The following DCC variants were observed in gnomAD, a reference collection of about 807,000 sequenced individuals.
DCC encodes the protein netrin receptor DCC.
DCC carries 58 observed loss-of-function variants against 172.5 expected under a neutral mutation model. The observed-to-expected ratio is 0.34, with a 90% CI of 0.27 to 0.42. The LOEUF (loss-of-function observed/expected upper bound fraction) is 0.42. Ranked by LOEUF, DCC falls within the 10% of genes least tolerant of loss-of-function variation. The pLI is 1.00. For synonymous variants in DCC, 709 were observed against 644.5 expected (o/e 1.10, Z -1.52); for missense variants, 1,740 against 1,791.0 (o/e 0.97, Z 0.51).
At chr18:53,496,877 T>TG (rs2046030539) in intron 26 of DCC, among the ~76,000 whole-genome samples, 1 of 152,142 alleles carries the variant, frequency 6.6e-6, no homozygotes, top group Non-Finnish European at 1.5e-5. Flanking sequence ...GTTGAAAGTA[T>TG]AATGTAGATT....
intron 24 of DCC, among the ~76,000 whole-genome samples, chr18:53,463,362 G>A (rs1012345232): frequency 1.3e-5 from 2 of 152,036 alleles, no homozygotes; most frequent in African/African-American, 4.8e-5. Flanking sequence ...TCAATTTGAG[G>A]ACCTCGTTGC....
intron 5 of DCC, among the ~76,000 whole-genome samples, chr18:52,983,700 C>G (rs1222849636): frequency 2.0e-5 from 3 of 152,162 alleles, no homozygotes; most frequent in African/African-American, 7.2e-5. Flanking sequence ...CTTATTTCAG[C>G]ATCTGTAGCT....
At chr18:52,719,425 G>A (rs574514639) in intron 1 of DCC, among the ~76,000 whole-genome samples, 27 of 152,240 alleles carry the variant, frequency 1.8e-4, no homozygotes, top group African/African-American at 6.5e-4. Flanking sequence ...TCCACTCTCA[G>A]GAAGGGTGAG....
intron 5 of DCC, among the ~76,000 whole-genome samples, chr18:52,951,837 G>A (rs368931967): frequency 1.3e-5 from 2 of 152,294 alleles, no homozygotes; most frequent in African/African-American, 4.8e-5. Context: ...TACAATTTGT[G>A]TTATTATTAC....
intron 15 of DCC, among the ~76,000 whole-genome samples, chr18:53,343,445 T>G (rs987656056): frequency 3.3e-5 from 5 of 151,852 alleles, no homozygotes. Flanking sequence ...TAAAATACGG[T>G]GAATTACATT....
intron 5 of DCC, among the ~76,000 whole-genome samples, chr18:52,947,930 G>A (rs923368320): frequency 2.0e-5 from 3 of 152,186 alleles, no homozygotes; most frequent in African/African-American, 7.2e-5. Flanking sequence ...GGACTGAGAT[G>A]AAGTAAGACC....
At chr18:52,999,766 A>G (rs549943707) in intron 5 of DCC, among the ~76,000 whole-genome samples, 2 of 152,156 alleles carry the variant, frequency 1.3e-5, no homozygotes, top group South Asian at 4.1e-4. Flanking sequence ...TTATTGGCTT[A>G]ACACCTGTTA....
chr18:52,431,726 G>A (rs1987631500), intron 1 of DCC, among the ~76,000 whole-genome samples: 1 of 152,106 alleles, frequency 6.6e-6, no homozygotes, highest in African/African-American at 2.4e-5. Context: ...AAATTCCGAG[G>A]CCACAAATGT....
intron 12 of DCC, among the ~76,000 whole-genome samples, chr18:53,235,182 G>A (rs926619536): frequency 2.6e-5 from 4 of 152,152 alleles, no homozygotes; most frequent in Non-Finnish European, 5.9e-5. Context: ...AATGCAAGGG[G>A]AGAAATGCAA....
chr18:53,162,722 G>A (rs779620418), intron 8 of DCC, among the ~76,000 whole-genome samples: 2 of 152,126 alleles, frequency 1.3e-5, no homozygotes, highest in Admixed American at 6.5e-5. Flanking sequence ...GTAATGTCAC[G>A]TTCTCATGGA....
chr18:52,849,173 C>T (rs963884673), intron 2 of DCC, among the ~76,000 whole-genome samples: 6 of 152,048 alleles, frequency 3.9e-5, no homozygotes, highest in Non-Finnish European at 7.4e-5. Context: ...TGGGAAAAGG[C>T]TTTCTCAGGT....
intron 7 of DCC, among the ~76,000 whole-genome samples, chr18:53,067,742 A>G (rs546449257): frequency 6.6e-6 from 1 of 152,358 alleles, no homozygotes; most frequent in South Asian, 2.1e-4. Flanking sequence ...AGAGTTATCT[A>G]TCATGTTACA....
At chr18:53,223,335 A>T (rs1379883466) in intron 12 of DCC, among the ~76,000 whole-genome samples, 6 of 152,204 alleles carry the variant, frequency 3.9e-5, no homozygotes, top group Non-Finnish European at 8.8e-5. Context: ...AGATTAAAAT[A>T]TATGATAGAA....
At chr18:52,747,307 A>C (rs986904271) in intron 1 of DCC, among the ~76,000 whole-genome samples, 1 of 152,182 alleles carries the variant, frequency 6.6e-6, no homozygotes, top group African/African-American at 2.4e-5. Flanking sequence ...TTTATGAAGC[A>C]AGGCTTGGAA....
intron 27 of DCC, among the ~76,000 whole-genome samples, chr18:53,517,563 C>G (rs1239304987): frequency 1.3e-5 from 2 of 151,982 alleles, no homozygotes; most frequent in African/African-American, 4.8e-5. Flanking sequence ...TACCTTAACC[C>G]TCTCGTCTCA....
chr18:52,569,739 G>C (rs1568233953), intron 1 of DCC, among the ~76,000 whole-genome samples: 1 of 152,140 alleles, frequency 6.6e-6, no homozygotes, highest in Admixed American at 6.5e-5. Context: ...AGGTGGGGTG[G>C]AGTTGGTGTA....
At chr18:52,683,628 G>C (rs1433656007) in intron 1 of DCC, among the ~76,000 whole-genome samples, 1 of 152,022 alleles carries the variant, frequency 6.6e-6, no homozygotes, top group Non-Finnish European at 1.5e-5. Context: ...CCAGGTCTCA[G>C]GTTCTGAATC....
At chr18:53,260,314 T>A (rs954676319) in intron 12 of DCC, among the ~76,000 whole-genome samples, 23 of 152,320 alleles carry the variant, frequency 1.5e-4, no homozygotes, top group African/African-American at 5.1e-4. Flanking sequence ...CTGCTCTGTT[T>A]TTTCCCTGTC....
chr18:53,190,329 A>G (rs1024677685), intron 9 of DCC, among the ~76,000 whole-genome samples: 18 of 152,162 alleles, frequency 1.2e-4, no homozygotes, highest in Non-Finnish European at 2.6e-4. Flanking sequence ...CCTGTAAAAT[A>G]TCCTGTAAGC....
Sources: allele counts gnomAD v4.1 joint callset (sites outside exome capture counted in the v4.1 genomes callset), GRCh38; gene constraint gnomAD v4.1.1; transcripts MANE v1.5; gene names NCBI Gene and HGNC (gene_info 2026-07-23, HGNC 2026-07-21).